The following STK11 variants were observed in gnomAD, a reference collection of about 807,000 sequenced individuals.
The protein encoded by STK11 is serine/threonine kinase 11, also known as serine/threonine-protein kinase STK11.
In STK11, 8 loss-of-function variants were observed where a neutral mutation model predicts 47.3. That is an observed-to-expected ratio of 0.17 (90% CI 0.10 to 0.31). The LOEUF (loss-of-function observed/expected upper bound fraction) is 0.31. Among genes scored for constraint, STK11 ranks in the 10% least tolerant of loss-of-function variants. STK11 has a pLI of 1.00. For synonymous variants in STK11, 330 were observed against 255.8 expected (o/e 1.29, Z -2.77); for missense variants, 475 against 605.0 (o/e 0.79, Z 2.25).
At chr19:1,223,812 A>G (rs749597027) in intron 8 of STK11, 31 of 1,032,486 alleles carry the variant, frequency 3.0e-5, no homozygotes, top group Non-Finnish European at 3.6e-5. Context: ...CCTCCCCGCC[A>G]TGCTCCCGGC....
At chr19:1,225,683 G>C in intron 8 of STK11, 1 of 985,600 alleles carries the variant, frequency 1.0e-6, no homozygotes, top group African/African-American at 1.7e-5. Context: ...GCTCTGCACT[G>C]GGCACATGAG....
intron 9 of STK11, 149 bp downstream of exon 9, chr19:1,226,812 T>A: frequency 1.0e-6 from 1 of 987,414 alleles, no homozygotes; most frequent in Non-Finnish European, 1.4e-6. Flanking sequence ...CTTGGCCACG[T>A]AGCGATCCCC....
rs786201811 is a variant in STK11, at chr19:1,223,054, C to G, written c.990C>G (p.Asp330Glu). 1 of 1,603,340 alleles carries G rather than the reference C, an allele frequency of 6.2e-7. No individual in the cohort carries two copies. Among genetic ancestry groups the G allele is most frequent in the Non-Finnish European group, 8.5e-7 (1 of 1,175,734 alleles). Residue 330 changes from aspartate to glutamate, a missense_variant, in exon 8 of 10, where the codon GAC becomes GAG. This residue lies in a region of STK11 where 219 missense variants were observed against 189.2 expected (regional missense o/e 1.16). Transcript: ENST00000326873. ...TCCCACCGAGCCCAGACACCAAGGA[C>G]CGGTGGCGCAGCATGACTGTGGTGC... ...VPIPPSPDTK[D>E]RWRSMTVVPY...
intron 9 of STK11, 127 bp from the exon 10 acceptor site, chr19:1,227,466 C>T (rs1420493840): frequency 1.3e-5 from 13 of 1,015,740 alleles, no homozygotes; most frequent in Non-Finnish European, 1.6e-5. Context: ...CCTGGCCTCC[C>T]CTGCTGCCCC....
intron 7 of STK11, among the ~76,000 whole-genome samples, 195 bp downstream of exon 7, chr19:1,222,201 C>A (rs143726471): frequency 1.3e-5 from 2 of 152,212 alleles, no homozygotes; most frequent in African/African-American, 4.8e-5. Context: ...CAGACCCAGG[C>A]GCCTTGTCCG....
chr19:1,207,942 C>T (rs1322256955), intron 1 of STK11, among the ~76,000 whole-genome samples: 2 of 152,252 alleles, frequency 1.3e-5, no homozygotes, highest in African/African-American at 4.8e-5. Context: ...CTACCTAGGG[C>T]AGCACTGGCC....
intron 1 of STK11, among the ~76,000 whole-genome samples, chr19:1,209,965 C>T (rs2080698198): frequency 6.6e-6 from 1 of 152,172 alleles, no homozygotes; most frequent in Non-Finnish European, 1.5e-5. Flanking sequence ...GATGCACCCT[C>T]ACTAGTGTTC....
chr19:1,221,602 G>T, intron 6 of STK11: 1 of 599,694 alleles, frequency 1.7e-6, no homozygotes, highest in East Asian at 2.8e-5. Flanking sequence ...CCCACCCTCG[G>T]GGGCTCCCTG....
At chr19:1,220,842 C>G in intron 5 of STK11, 125 bp downstream of exon 5, 1 of 1,390,400 alleles carries the variant, frequency 7.2e-7, no homozygotes, top group Admixed American at 2.4e-5. Flanking sequence ...TGGCCACAGC[C>G]GCTAGGGGGT....
At chr19:1,224,175 C>G (rs1476819527) in intron 8 of STK11, 9 of 986,050 alleles carry the variant, frequency 9.1e-6, no homozygotes, top group Admixed American at 1.2e-4. Flanking sequence ...CCCGAGAGCA[C>G]AGTGTATGGG....
intron 7 of STK11, among the ~76,000 whole-genome samples, chr19:1,222,680 C>T (rs2080793464): frequency 1.3e-5 from 2 of 152,222 alleles, no homozygotes; most frequent in Non-Finnish European, 2.9e-5. Context: ...CTCAGGGCCC[C>T]CCAGACCCCC....
chr19:1,227,367 C>T (rs2080832524), intron 9 of STK11: 1 of 267,246 alleles, frequency 3.7e-6, no homozygotes, highest in East Asian at 7.5e-5. Flanking sequence ...AATGGGTGCC[C>T]ACAGCCCATC....
At chr19:1,219,670 C>T (rs909288437) in intron 3 of STK11, among the ~76,000 whole-genome samples, 2 of 152,114 alleles carry the variant, frequency 1.3e-5, no homozygotes, top group African/African-American at 2.4e-5. Flanking sequence ...CTCAGCTTCC[C>T]GAGTAGCTGG....
At chr19:1,223,685 CAGA>C in intron 8 of STK11, 1 of 1,045,016 alleles carries the variant, frequency 9.6e-7, no homozygotes, top group Non-Finnish European at 1.2e-6. Context: ...GCGCGGCTTG[CAGA>C]AGAGCGAGGG....
chr19:1,223,394 C>G (rs1217566991), intron 8 of STK11, among the ~76,000 whole-genome samples: 1 of 152,244 alleles, frequency 6.6e-6, no homozygotes, highest in East Asian at 1.9e-4. Context: ...CCAGGCCTGT[C>G]TGGCCAGGAG....
rs1344810732 is a variant in STK11 at position 1,226,136 on chromosome 19, G to C, written c.1109-318G>C. 3.3e-6 allele frequency: 4 copies of C among 1,199,730 alleles called. No homozygotes were observed. In the African/African-American group the frequency reaches 6.4e-5, roughly 19 times the overall value. The allele number at this position is 1,199,730 out of a possible 1,614,324, so 74.3% of individuals were successfully genotyped here. Reference sequence around the variant, plus strand: ...GGGGAGCACGGGAGGGTCCTGCCTTGTCAGCTTGCCTCCTACTCGTGAGGT... The same window carrying C: ...GGGGAGCACGGGAGGGTCCTGCCTTCTCAGCTTGCCTCCTACTCGTGAGGT... On this transcript the variant is annotated intron_variant, in intron 8 of 9. Transcript: ENST00000326873.
rs1263407390 is a variant in STK11 at position 1,227,781 on chromosome 19, G to C, written c.*205G>C. On this transcript the variant is annotated 3_prime_UTR_variant, in exon 10 of 10. Transcript: ENST00000326873. ...CGCAGCCCTCCCCCCTCGGCCGCCC[G>C]GCAGTGCACGCGGCTTGTTGACTTC... 2 of 1,074,270 alleles carry C rather than the reference G, an allele frequency of 1.9e-6. No individual in the cohort carries two copies. The highest frequency in any genetic ancestry group is 2.3e-6 in the Non-Finnish European group (2 of 884,848). 66.5% of individuals were successfully genotyped at this position (1,074,270 alleles called of 1,614,324 possible).
intron 5 of STK11, 75 bp from the exon 6 acceptor site, chr19:1,221,138 G>A (rs2145426407): frequency 3.1e-6 from 5 of 1,588,362 alleles, no homozygotes; most frequent in Non-Finnish European, 4.3e-6. Context: ...CTCTGTCCCT[G>A]GGGTAGAGCT....
intron 1 of STK11, among the ~76,000 whole-genome samples, chr19:1,208,607 C>CTTT (rs71174355): frequency 0.057 from 2,148 of 37,782 alleles, 694 homozygotes; most frequent in African/African-American, 0.1. Flanking sequence ...CGCGTGCGGC[C>CTTT]TTTTTTTTTT....
Sources: gnomAD v4.1 joint callset for allele counts (sites outside exome capture counted in the v4.1 genomes callset) on GRCh38, gnomAD v4.1.1 for gene constraint, gnomAD v4.1.1 regional missense constraint, MANE v1.5 for transcripts, NCBI Gene and HGNC (gene_info 2026-07-23, HGNC 2026-07-21) for gene names.